The following TJP1 variants were observed in gnomAD, a reference collection of about 807,000 sequenced individuals.
The protein encoded by TJP1 is tight junction protein 1.
A neutral mutation model predicts 194.2 loss-of-function variants in TJP1; 43 were observed. The observed-to-expected ratio is 0.22, with a 90% CI of 0.17 to 0.29. The LOEUF (loss-of-function observed/expected upper bound fraction) is 0.29, where lower values mean the gene tolerates loss of function less well. TJP1 is among the 10% of genes least tolerant of loss of function. The pLI is 1.00. For synonymous variants in TJP1, 801 were observed against 779.0 expected, an observed-to-expected ratio of 1.03 and a Z score of -0.47; for missense variants, 1,971 against 2,185.7, an observed-to-expected ratio of 0.90 and a Z score of 1.96.
intron 2 of TJP1, among the ~76,000 whole-genome samples, chr15:29,847,382 C>T (rs934141606): frequency 4.6e-5 from 7 of 152,072 alleles, no homozygotes; most frequent in Middle Eastern, 3.2e-3. Flanking sequence ...TTAATTTCTG[C>T]TCTTTATTAT....
At chr15:29,700,040 G>A (rs531302604), downstream of TJP1, 48 of 360,074 alleles carry the variant, frequency 1.3e-4, no homozygotes, top group Non-Finnish European at 2.1e-4. Flanking sequence ...AACACCAGAC[G>A]ACGAGGTGGT....
At chr15:29,801,671 C>T (rs987953279) in intron 1 of TJP1, among the ~76,000 whole-genome samples, 2 of 151,302 alleles carry the variant, frequency 1.3e-5, no homozygotes, top group East Asian at 2.0e-4. Flanking sequence ...CCGTTTTAGC[C>T]GGGATGGTCT....
At chr15:29,846,732 T>A (rs2051425737) in intron 2 of TJP1, among the ~76,000 whole-genome samples, 1 of 152,066 alleles carries the variant, frequency 6.6e-6, no homozygotes, top group African/African-American at 2.4e-5. Context: ...GAGACCATCC[T>A]GGCTGACATG....
chr15:29,817,616 A>C (rs1379334285), intron 1 of TJP1, among the ~76,000 whole-genome samples: 2 of 152,202 alleles, frequency 1.3e-5, no homozygotes, highest in East Asian at 1.9e-4. Context: ...GATAAAGAAA[A>C]TGTGGTACAT....
chr15:29,923,919 G>A (rs1168595533), intron 2 of TJP1, among the ~76,000 whole-genome samples: 13 of 152,180 alleles, frequency 8.5e-5, no homozygotes, highest in Admixed American at 8.5e-4. Flanking sequence ...ACATGCCTAT[G>A]TGTTATTCTA....
chr15:29,842,247 A>C (rs1173045969), intron 2 of TJP1, among the ~76,000 whole-genome samples: 1 of 152,234 alleles, frequency 6.6e-6, no homozygotes, highest in Non-Finnish European at 1.5e-5. Flanking sequence ...AAACTTCTAA[A>C]TAAAAGCCCC....
At chr15:29,906,714 G>GGACC (rs2152212590) in intron 2 of TJP1, among the ~76,000 whole-genome samples, 1 of 151,532 alleles carries the variant, frequency 6.6e-6, no homozygotes, top group African/African-American at 2.4e-5. Context: ...CAAGTAGCTG[G>GGACC]GACCACAGGT....
rs764975019 is a variant in TJP1 at position 29,766,299 on chromosome 15, T to C, written c.556A>G (p.Lys186Glu). ...TTCCGGGATTTCACCAGTGTGACTTTAGTAGGTTTAGCAGGCTGGCTGGAA... is the reference window on the plus strand; with the variant it reads ...TTCCGGGATTTCACCAGTGTGACTTCAGTAGGTTTAGCAGGCTGGCTGGAA... Reference protein sequence around the residue: ...VASSQPAKPTKVTLVKSRKNE... With the variant: ...VASSQPAKPTEVTLVKSRKNE... Residue 186 changes from lysine to glutamate, a missense_variant, in exon 5 of 28, where the codon AAA becomes GAA. Coordinates refer to ENST00000614355, the MANE Select transcript of TJP1 (RefSeq NM_001330239.4). 2.5e-6 allele frequency: 4 copies of C among 1,613,956 alleles called. No homozygotes were observed. Among genetic ancestry groups the C allele is most frequent in the East Asian group, 2.2e-5 (1 of 44,886 alleles).
At chr15:29,800,830 G>T in intron 1 of TJP1, 128 bp from the exon 2 acceptor site, 1 of 823,824 alleles carries the variant, frequency 1.2e-6, no homozygotes, top group Non-Finnish European at 1.9e-6. Context: ...GAGACACTCT[G>T]AAAGGACCTT....
At chr15:29,746,340 T>C (rs553191080) in intron 8 of TJP1, among the ~76,000 whole-genome samples, 4 of 151,094 alleles carry the variant, frequency 2.6e-5, no homozygotes, top group African/African-American at 9.7e-5. Flanking sequence ...ATGGAGCCAC[T>C]GCACTCCAGC....
At chr15:29,940,961 G>C (rs549886203) in intron 2 of TJP1, among the ~76,000 whole-genome samples, 1 of 152,046 alleles carries the variant, frequency 6.6e-6, no homozygotes. Flanking sequence ...TTTCACAGAT[G>C]GGGGAGGAAG....
intron 8 of TJP1, among the ~76,000 whole-genome samples, chr15:29,749,185 T>C (rs919016185): frequency 2.0e-4 from 31 of 151,792 alleles, no homozygotes; most frequent in Non-Finnish European, 4.4e-5. Context: ...CGTATTAATC[T>C]AAAGGTAATG....
intron 8 of TJP1, among the ~76,000 whole-genome samples, chr15:29,756,523 C>T (rs1566963754): frequency 1.3e-5 from 2 of 152,128 alleles, no homozygotes; most frequent in Non-Finnish European, 2.9e-5. Context: ...ATTTAGCCCA[C>T]ACAGTGCAGT....
intron 1 of TJP1, among the ~76,000 whole-genome samples, chr15:29,967,351 T>G (rs1247634527): frequency 6.6e-6 from 1 of 151,752 alleles, no homozygotes; most frequent in Non-Finnish European, 1.5e-5. Context: ...AAGTATCTTT[T>G]GCAGAATAAA....
chr15:29,939,373 T>C (rs2054990412), intron 2 of TJP1, among the ~76,000 whole-genome samples: 1 of 152,192 alleles, frequency 6.6e-6, no homozygotes, highest in Admixed American at 6.5e-5. Context: ...GTACACACTC[T>C]GCAGTCTGTG....
chr15:29,732,684 G>A lies in TJP1; in HGVS notation c.1868C>T (p.Ala623Val). 6.2e-7 allele frequency: 1 copy of A among 1,614,192 alleles called. No individual in the cohort carries two copies. Among genetic ancestry groups the A allele is most frequent in the South Asian group, 1.1e-5 (1 of 91,080 alleles). ...NLRKSREDLS[A>V]QPVQTKFPAY... The stretch of plus-strand genomic sequence containing the variant: ...TGGAAACTTTGTTTGAACAGGCTGA[G>A]CGGACAAATCCTCTCTGCTTTTTCG... The change falls in exon 14 of 28, where the codon GCT (alanine) becomes GTT (valine). Residue 623 changes from alanine (A) to valine (V), a missense_variant. By Grantham distance (64) the Ala-to-Val change is moderately conservative. Transcript: ENST00000614355.
At chr15:29,739,056 CAAAACA>C (rs1028637327) in intron 10 of TJP1, among the ~76,000 whole-genome samples, 5 of 151,648 alleles carry the variant, frequency 3.3e-5, no homozygotes, top group Admixed American at 6.6e-5. Context: ...TAAAACAAAG[CAAAACA>C]AAAACAAAAA....
chr15:29,809,443 G>C (rs796650944), intron 1 of TJP1, among the ~76,000 whole-genome samples: 124 of 152,284 alleles, frequency 8.1e-4, no homozygotes, highest in African/African-American at 2.7e-3. Flanking sequence ...CAAGGGAAGA[G>C]GGGAAAGAGA....
At chr15:29,901,198 T>C (rs1311820744) in intron 2 of TJP1, among the ~76,000 whole-genome samples, 3 of 152,194 alleles carry the variant, frequency 2.0e-5, no homozygotes, top group Non-Finnish European at 2.9e-5. Flanking sequence ...TTGTTGAAGA[T>C]AGAGACTGTG....
Sources: allele counts gnomAD v4.1 joint callset (sites outside exome capture counted in the v4.1 genomes callset), GRCh38; gene constraint gnomAD v4.1.1; transcripts MANE v1.5; gene names NCBI Gene and HGNC (gene_info 2026-07-23, HGNC 2026-07-21).